PDGFC: variants seen among roughly 807,000 people sequenced by gnomAD.
PDGFC encodes platelet-derived growth factor C.
In PDGFC, 12 loss-of-function variants were observed where a neutral mutation model predicts 35.5. The ratio of observed to expected loss-of-function variants is 0.34; its 90% CI spans 0.22 to 0.55. PDGFC has a LOEUF of 0.55. Ranked by LOEUF, PDGFC falls within the 20% of genes least tolerant of loss-of-function variation. The pLI, the probability that PDGFC is intolerant of heterozygous loss-of-function variation, is 0.91. For missense variants in PDGFC, 322 were observed against 412.4 expected (o/e 0.78, Z 1.90); for synonymous variants, 159 against 148.8 (o/e 1.07, Z -0.50).
At chr4:156,788,588 C>G (rs1429037104) in intron 3 of PDGFC, among the ~76,000 whole-genome samples, 1 of 152,172 alleles carries the variant, frequency 6.6e-6, no homozygotes, top group Non-Finnish European at 1.5e-5. Context: ...TAATCATCTT[C>G]TAACCAATTA....
At position 156,898,639 on chromosome 4, in the gene PDGFC, A is replaced by ATT. The variant is rs11463568; in HGVS notation, c.119-48225_119-48224dup. Among the ~76,000 whole-genome samples the ATT allele has an allele frequency of 8.5e-3, 1,276 of 150,614 alleles. 12 individuals carry two copies. The highest frequency in any genetic ancestry group is 0.072 in the East Asian group (363 of 5,070). ...TATGCTCAGGATAATAGAAGCTTCCATTTTTTTTTCTTTTTTCTTTTCTTT... is the reference window on the plus strand; with the variant it reads ...TATGCTCAGGATAATAGAAGCTTCCATTTTTTTTTTTCTTTTTTCTTTTCTTT... On this transcript the variant is annotated intron_variant, in intron 1 of 5. Coordinates refer to ENST00000502773, the MANE Select transcript of PDGFC (RefSeq NM_016205.3).
intron 1 of PDGFC, among the ~76,000 whole-genome samples, chr4:156,908,267 T>G (rs1231990314): frequency 2.0e-5 from 3 of 152,100 alleles, no homozygotes; most frequent in African/African-American, 7.2e-5. Context: ...AATAAAATAT[T>G]AAGAGATTTA....
At chr4:156,893,441 C>A (rs1041756407) in intron 1 of PDGFC, among the ~76,000 whole-genome samples, 1 of 151,846 alleles carries the variant, frequency 6.6e-6, no homozygotes. Context: ...GCAATCTCAC[C>A]TCAGCTTCTT....
intron 1 of PDGFC, among the ~76,000 whole-genome samples, chr4:156,894,869 C>A (rs1259332879): frequency 1.3e-5 from 2 of 152,160 alleles, no homozygotes; most frequent in African/African-American, 4.8e-5. Context: ...TGGATCCATT[C>A]CCACATTCTT....
intron 3 of PDGFC, among the ~76,000 whole-genome samples, chr4:156,810,571 T>C (rs955599517): frequency 2.0e-5 from 3 of 152,070 alleles, no homozygotes; most frequent in African/African-American, 7.2e-5. Context: ...TAATATTTCA[T>C]AGACTCCTGA....
At chr4:156,831,762 GA>G (rs200420006) in intron 2 of PDGFC, among the ~76,000 whole-genome samples, 3 of 148,974 alleles carry the variant, frequency 2.0e-5, no homozygotes, top group African/African-American at 7.4e-5. Context: ...CTTGAAAAAA[GA>G]AAAAAAAATG....
intron 1 of PDGFC, among the ~76,000 whole-genome samples, chr4:156,920,051 T>C (rs1462557375): frequency 6.6e-6 from 1 of 152,102 alleles, no homozygotes; most frequent in African/African-American, 2.4e-5. Flanking sequence ...CCTCTCCCCA[T>C]GTGACATGCC....
At chr4:156,953,772 T>C (rs546355257) in intron 1 of PDGFC, among the ~76,000 whole-genome samples, 108 of 152,074 alleles carry the variant, frequency 7.1e-4, no homozygotes, top group African/African-American at 2.6e-3. Flanking sequence ...CATTGAGCTT[T>C]ACCCATCTAA....
intron 1 of PDGFC, among the ~76,000 whole-genome samples, chr4:156,933,812 G>A (rs977440261): frequency 8.6e-5 from 13 of 151,926 alleles, no homozygotes; most frequent in African/African-American, 1.5e-4. Flanking sequence ...CACTTTCCCC[G>A]CCTCTCTCTC....
At position 156,854,219 on chromosome 4, in the gene PDGFC, G is replaced by A. The variant is rs528817258; in HGVS notation, c.119-3803C>T. ...TAAAACCTAGCATCTACCCTATTTT[G>A]CTTCAAAACAAATGCCTTTTATCCA... On this transcript the variant is annotated intron_variant, in intron 1 of 5. Coordinates refer to ENST00000502773, the MANE Select transcript of PDGFC (RefSeq NM_016205.3). 2.0e-5 allele frequency among the ~76,000 whole-genome samples: 3 copies of A among 151,884 alleles called. No individual in the cohort carries two copies. The South Asian group carries it at 6.2e-4, about 32-fold the overall frequency.
At chr4:156,779,277 T>C (rs1730916065) in intron 3 of PDGFC, 2 of 439,576 alleles carry the variant, frequency 4.5e-6, no homozygotes, top group African/African-American at 4.0e-5. Context: ...AAATTATTTT[T>C]AAGCCGGCAA....
At chr4:156,871,506 A>T (rs931350596) in intron 1 of PDGFC, among the ~76,000 whole-genome samples, 2 of 152,116 alleles carry the variant, frequency 1.3e-5, no homozygotes, top group Non-Finnish European at 2.9e-5. Flanking sequence ...TCATGTGTAA[A>T]AGACCTTATC....
At chr4:156,862,401 A>G (rs775683037) in intron 1 of PDGFC, among the ~76,000 whole-genome samples, 1 of 152,210 alleles carries the variant, frequency 6.6e-6, no homozygotes, top group African/African-American at 2.4e-5. Context: ...TAAAGAGAAT[A>G]AACTGAAGAA....
Position 156,871,346 on chromosome 4 carries a change from A to G in PDGFC, c.119-20930T>C, listed in dbSNP as rs566385499. Among the ~76,000 whole-genome samples the G allele has an allele frequency of 7.4e-4, 113 of 152,286 alleles. 1 individual carries two copies. In the South Asian group the frequency reaches 0.018, roughly 25 times the overall value. ...CTGGCAAAGACTGCAGATCGAGAAAACTAGCAATTATAAGGACCCAGTGAG... is the reference window on the plus strand; with the variant it reads ...CTGGCAAAGACTGCAGATCGAGAAAGCTAGCAATTATAAGGACCCAGTGAG... On this transcript the variant is annotated intron_variant, in intron 1 of 5. Coordinates refer to ENST00000502773, the MANE Select transcript of PDGFC (RefSeq NM_016205.3).
At chr4:156,837,406 G>A (rs1487764040) in intron 2 of PDGFC, among the ~76,000 whole-genome samples, 1 of 151,828 alleles carries the variant, frequency 6.6e-6, no homozygotes, top group Admixed American at 6.6e-5. Context: ...GCTAATTTGT[G>A]TTCTATTGCC....
At chr4:156,935,961 C>A (rs761111479) in intron 1 of PDGFC, among the ~76,000 whole-genome samples, 11 of 152,140 alleles carry the variant, frequency 7.2e-5, no homozygotes, top group Admixed American at 2.0e-4. Flanking sequence ...GGGTCATAGA[C>A]AGGGGAGGAA....
chr4:156,826,174 A>ATGTTTTTTT (rs1553967848), intron 2 of PDGFC, among the ~76,000 whole-genome samples: 1 of 43,768 alleles, frequency 2.3e-5, no homozygotes, highest in African/African-American at 8.1e-5. Flanking sequence ...TTTGAGTTGG[A>ATGTTTTTTT]TTTTTTTTTT....
intron 1 of PDGFC, among the ~76,000 whole-genome samples, chr4:156,917,009 T>G (rs1423382752): frequency 2.6e-5 from 4 of 152,268 alleles, no homozygotes; most frequent in African/African-American, 7.2e-5. Flanking sequence ...AATATCCCCT[T>G]AAGCCCTCTA....
At chr4:156,960,355 T>C (rs1407851152) in intron 1 of PDGFC, among the ~76,000 whole-genome samples, 1 of 150,634 alleles carries the variant, frequency 6.6e-6, no homozygotes, top group Non-Finnish European at 1.5e-5. Context: ...AGTACATTAT[T>C]TCTGGAGCTC....
Sources: gnomAD v4.1 joint callset for allele counts (sites outside exome capture counted in the v4.1 genomes callset) on GRCh38, gnomAD v4.1.1 for gene constraint, MANE v1.5 for transcripts, NCBI Gene and HGNC (gene_info 2026-07-23, HGNC 2026-07-21) for gene names.